The following KLHL1 variants were observed in gnomAD, a reference collection of about 807,000 sequenced individuals.
The protein encoded by KLHL1 is kelch-like protein 1.
A neutral mutation model predicts 77.7 loss-of-function variants in KLHL1; 47 were observed. The ratio of observed to expected loss-of-function variants is 0.60; its 90% CI spans 0.48 to 0.77. The LOEUF is 0.77. Among genes scored for constraint, KLHL1 ranks in the 30% least tolerant of loss-of-function variants. The pLI is 0.00. For missense variants in KLHL1, 925 were observed against 910.8 expected (o/e 1.02, Z -0.20); for synonymous variants, 360 against 325.2 (o/e 1.11, Z -1.15).
chr13:69,908,731 G>T (rs554747063), intron 4 of KLHL1, among the ~76,000 whole-genome samples: 6 of 151,094 alleles, frequency 4.0e-5, no homozygotes, highest in South Asian at 2.1e-4. Context: ...AGAGAATACT[G>T]GTTTATATTA....
At chr13:69,772,402 T>TAAA (rs1875616408) in intron 7 of KLHL1, among the ~76,000 whole-genome samples, 4 of 152,270 alleles carry the variant, frequency 2.6e-5, no homozygotes, top group African/African-American at 9.6e-5. Flanking sequence ...AAGCATTACC[T>TAAA]ATATAAAATA....
intron 8 of KLHL1, among the ~76,000 whole-genome samples, chr13:69,724,186 G>T (rs1398062773): frequency 1.3e-5 from 2 of 151,968 alleles, no homozygotes; most frequent in Non-Finnish European, 2.9e-5. Context: ...CCCCAATTTT[G>T]CCTTGGAGTA....
chr13:69,867,517 TA>T (rs1880409054), intron 5 of KLHL1, among the ~76,000 whole-genome samples: 1 of 151,982 alleles, frequency 6.6e-6, no homozygotes, highest in Non-Finnish European at 1.5e-5. Flanking sequence ...ATGCTTTGTT[TA>T]AAAAACAAAT....
intron 1 of KLHL1, among the ~76,000 whole-genome samples, chr13:70,016,536 T>A (rs1266990500): frequency 1.3e-5 from 2 of 152,234 alleles, no homozygotes; most frequent in Admixed American, 1.3e-4. Context: ...GTCACAACCC[T>A]GCCAGGTGTG....
chr13:69,813,471 T>TACACAC (rs1201559230), intron 6 of KLHL1, among the ~76,000 whole-genome samples: 2 of 119,300 alleles, frequency 1.7e-5, no homozygotes, highest in East Asian at 2.2e-4. Context: ...CACACATATA[T>TACACAC]ACACACACAT....
intron 9 of KLHL1, among the ~76,000 whole-genome samples, chr13:69,708,593 G>T (rs1310463891): frequency 6.6e-6 from 1 of 151,970 alleles, no homozygotes; most frequent in Non-Finnish European, 1.5e-5. Flanking sequence ...TCAGAAGACT[G>T]AACTTATTGT....
At chr13:69,837,659 T>TACATACATAC (rs1566309089) in intron 6 of KLHL1, among the ~76,000 whole-genome samples, 1 of 132,786 alleles carries the variant, frequency 7.5e-6, no homozygotes, top group African/African-American at 3.1e-5. Flanking sequence ...TATATATATG[T>TACATACATAC]GTGTGTGTGT....
At chr13:70,028,181 AG>A (rs1886004187) in intron 1 of KLHL1, among the ~76,000 whole-genome samples, 3 of 152,174 alleles carry the variant, frequency 2.0e-5, no homozygotes, top group Admixed American at 1.3e-4. Context: ...CTACAAGTAA[AG>A]GATAAAATTC....
chr13:69,712,527 C>A (rs945993612), intron 9 of KLHL1, among the ~76,000 whole-genome samples: 5 of 151,942 alleles, frequency 3.3e-5, no homozygotes, highest in Admixed American at 2.0e-4. Context: ...CAAATCTATT[C>A]CATTTGTCTA....
intron 9 of KLHL1, among the ~76,000 whole-genome samples, chr13:69,718,540 C>A (rs9542040): frequency 0.49 from 74,054 of 151,796 alleles, 19,504 homozygotes; most frequent in East Asian, 0.67. Flanking sequence ...GTTACTTATA[C>A]CAATTGATAA....
chr13:69,815,322 G>A (rs1468941131), intron 6 of KLHL1, among the ~76,000 whole-genome samples: 1 of 152,198 alleles, frequency 6.6e-6, no homozygotes, highest in East Asian at 1.9e-4. Flanking sequence ...ACCAATGGTT[G>A]ATTGAATAAA....
At chr13:70,095,837 C>G (rs568218903) in intron 1 of KLHL1, among the ~76,000 whole-genome samples, 7 of 151,952 alleles carry the variant, frequency 4.6e-5, no homozygotes, top group African/African-American at 1.4e-4. Context: ...CCACCCCCCC[C>G]ACCACACTCG....
In KLHL1 at chr13:69,851,723, T is replaced by C. The variant is rs116035298; in HGVS notation, c.1228-12561A>G. ...GCTCCTATGTCCCTGTTCTCTATTA[T>C]AGACCTTTCCTGTCCCAGACAAGCT... is the stretch of plus-strand genomic sequence containing the variant. On this transcript the variant is annotated intron_variant, in intron 5 of 10. Coordinates refer to ENST00000377844, the MANE Select transcript of KLHL1 (RefSeq NM_020866.3). Among the ~76,000 whole-genome samples, 887 of 151,874 alleles carry C rather than the reference T, an allele frequency of 5.8e-3. 15 individuals carry two copies. Among genetic ancestry groups the C allele is most frequent in the African/African-American group, 0.02 (830 of 41,496 alleles).
chr13:70,070,147 G>A (rs1409482314), intron 1 of KLHL1, among the ~76,000 whole-genome samples: 5 of 141,780 alleles, frequency 3.5e-5, no homozygotes, highest in South Asian at 2.2e-4. Context: ...AGTGAGACTC[G>A]TCTCGAAAAA....
intron 1 of KLHL1, among the ~76,000 whole-genome samples, chr13:70,001,419 C>T (rs540400768): frequency 1.3e-5 from 2 of 151,152 alleles, no homozygotes; most frequent in East Asian, 3.9e-4. Flanking sequence ...AATTCAATTT[C>T]AACAACAAAA....
chr13:69,784,524 G>T (rs1876407891), intron 7 of KLHL1, among the ~76,000 whole-genome samples: 1 of 151,970 alleles, frequency 6.6e-6, no homozygotes, highest in East Asian at 1.9e-4. Context: ...AAAAAGGCAG[G>T]GGTTGCAATC....
At chr13:69,813,479 CAT>C (rs1191747392) in intron 6 of KLHL1, among the ~76,000 whole-genome samples, 4 of 135,914 alleles carry the variant, frequency 2.9e-5, no homozygotes, top group African/African-American at 1.1e-4. Context: ...TATACACACA[CAT>C]ACACACACAC....
At chr13:69,778,016 T>C (rs1875924324) in intron 7 of KLHL1, among the ~76,000 whole-genome samples, 1 of 151,826 alleles carries the variant, frequency 6.6e-6, no homozygotes, top group African/African-American at 2.4e-5. Flanking sequence ...ATAATTCATA[T>C]TATTAAAAAT....
intron 1 of KLHL1, among the ~76,000 whole-genome samples, chr13:70,084,525 C>T (rs1376870990): frequency 7.8e-6 from 1 of 128,266 alleles, no homozygotes; most frequent in African/African-American, 3.0e-5. Flanking sequence ...GTGGCGTGAT[C>T]TCTGCTCACT....
Sources: allele counts gnomAD v4.1 joint callset (sites outside exome capture counted in the v4.1 genomes callset), GRCh38; gene constraint gnomAD v4.1.1; transcripts MANE v1.5; gene names NCBI Gene and HGNC (gene_info 2026-07-23, HGNC 2026-07-21).